Variants in NAV2 observed in about 807,000 individuals in gnomAD.
NAV2 encodes neuron navigator 2.
NAV2 carries 54 observed loss-of-function variants against 223.2 expected under a neutral mutation model. The ratio of observed to expected loss-of-function variants is 0.24; its 90% CI spans 0.19 to 0.30. The LOEUF (loss-of-function observed/expected upper bound fraction) is 0.30, where lower values mean the gene tolerates loss of function less well. Ranked by LOEUF, NAV2 falls within the 10% of genes least tolerant of loss-of-function variation. NAV2 has a pLI of 1.00. For missense variants in NAV2, 2,806 were observed against 3,147.5 expected, an observed-to-expected ratio of 0.89 and a Z score of 2.60; for synonymous variants, 1,279 against 1,239.3, an observed-to-expected ratio of 1.03 and a Z score of -0.67.
intron 1 of NAV2, among the ~76,000 whole-genome samples, chr11:19,650,111 G>A (rs1199461423): frequency 2.6e-5 from 4 of 152,174 alleles, no homozygotes; most frequent in African/African-American, 9.7e-5. Context: ...CCTAACCTCT[G>A]GCACCTGTGA....
chr11:20,081,253 G>A (rs1367830609), intron 25 of NAV2, among the ~76,000 whole-genome samples: 1 of 152,030 alleles, frequency 6.6e-6, no homozygotes, highest in Admixed American at 6.6e-5. Context: ...GTTACTAATG[G>A]CTCTTAGTCA....
intron 1 of NAV2, among the ~76,000 whole-genome samples, chr11:19,395,283 T>C (rs1198475598): frequency 6.6e-6 from 1 of 152,248 alleles, no homozygotes; most frequent in Non-Finnish European, 1.5e-5. Context: ...AGCCCCTCAT[T>C]GGGCCCACAC....
At chr11:19,470,243 A>G (rs1457985411) in intron 1 of NAV2, among the ~76,000 whole-genome samples, 1 of 152,184 alleles carries the variant, frequency 6.6e-6, no homozygotes, top group Admixed American at 6.5e-5. Flanking sequence ...AGCTCCTTGG[A>G]ATCTTATAAG....
At chr11:19,419,021 C>T (rs1350292658) in intron 1 of NAV2, among the ~76,000 whole-genome samples, 1 of 151,994 alleles carries the variant, frequency 6.6e-6, no homozygotes, top group African/African-American at 2.4e-5. Context: ...GTAATAGGGA[C>T]TCAAGGAGGG....
At chr11:19,918,343 G>C (rs965449843) in intron 6 of NAV2, among the ~76,000 whole-genome samples, 2 of 152,204 alleles carry the variant, frequency 1.3e-5, no homozygotes, top group African/African-American at 2.4e-5. Context: ...TAGTCAGTTT[G>C]ATATTATCTG....
At chr11:19,756,672 A>G (rs1460144284) in intron 1 of NAV2, among the ~76,000 whole-genome samples, 8 of 152,014 alleles carry the variant, frequency 5.3e-5, no homozygotes, top group Admixed American at 4.6e-4. Flanking sequence ...GAAACTTTGC[A>G]TTTGCCTCTG....
At chr11:19,779,494 T>G (rs1379601522) in intron 1 of NAV2, among the ~76,000 whole-genome samples, 1 of 152,244 alleles carries the variant, frequency 6.6e-6, no homozygotes, top group African/African-American at 2.4e-5. Flanking sequence ...CTTTATTTGT[T>G]GTGTGTTTTG....
At position 19,520,506 on chromosome 11, in the gene NAV2, C is replaced by T. The variant is rs146665748; in HGVS notation, c.75+169479C>T. On this transcript the variant is annotated intron_variant, in intron 1 of 37. Coordinates refer to the NAV2 transcript ENST00000360655. ...CTTTGCCTCCCAATCCTGTACCTCA[C>T]TGTGTGTTTCAGCCACGCTGCCTGC... Among the ~76,000 whole-genome samples the T allele has an allele frequency of 1.8e-3, 269 of 152,346 alleles. 2 individuals are homozygous for T. Among genetic ancestry groups the T allele is most frequent in the African/African-American group, 6.1e-3 (254 of 41,588 alleles).
chr11:19,810,631 T>C (rs188072489), intron 1 of NAV2, among the ~76,000 whole-genome samples: 1 of 152,340 alleles, frequency 6.6e-6, no homozygotes, highest in East Asian at 1.9e-4. Flanking sequence ...GAGTCTTCAA[T>C]TCTAATCCAT....
intron 29 of NAV2, among the ~76,000 whole-genome samples, chr11:20,095,364 G>A (rs1370038693): frequency 5.3e-5 from 8 of 152,164 alleles, no homozygotes; most frequent in East Asian, 1.9e-4. Context: ...CTAGACAGAT[G>A]TGGAGAGAGT....
intron 11 of NAV2, among the ~76,000 whole-genome samples, chr11:20,012,607 G>A (rs1277651179): frequency 4.6e-5 from 7 of 151,604 alleles, no homozygotes; most frequent in Admixed American, 2.0e-4. Flanking sequence ...CCCAGGAGGC[G>A]GAGGTTGCAG....
chr11:19,403,738 A>C (rs2702677), intron 1 of NAV2, among the ~76,000 whole-genome samples: 26,983 of 152,156 alleles, frequency 0.18, 2,508 homozygotes, highest in South Asian at 0.33. Context: ...GCAGTAAATA[A>C]ACAGGCATGG....
In NAV2 at chr11:19,937,746, CA is replaced by C. The variant is rs1476112533; in HGVS notation, c.2034-1914del. Among the ~76,000 whole-genome samples, 3 of 152,330 alleles carry C rather than the reference CA, an allele frequency of 2.0e-5. No homozygotes were observed. The East Asian group carries it at 5.8e-4, about 29-fold the overall frequency. On this transcript the variant is annotated intron_variant, in intron 7 of 37. Transcript: ENST00000349880. ...GAGACTTAAACATTTCTTATTTATCCAGTCAACACACCCTTCTTGCGTTGCC... is the reference window on the plus strand; with the variant it reads ...GAGACTTAAACATTTCTTATTTATCCGTCAACACACCCTTCTTGCGTTGCC...
At chr11:20,025,475 T>C (rs1362568265) in intron 11 of NAV2, among the ~76,000 whole-genome samples, 1 of 152,172 alleles carries the variant, frequency 6.6e-6, no homozygotes, top group Non-Finnish European at 1.5e-5. Context: ...GGGCTTTGTG[T>C]AGCTGAGGTC....
chr11:19,691,186 G>T (rs1421765688), intron 1 of NAV2, among the ~76,000 whole-genome samples: 1 of 151,804 alleles, frequency 6.6e-6, no homozygotes, highest in Non-Finnish European at 1.5e-5. Context: ...CTAGGCCAGC[G>T]TTATCCAGTA....
chr11:20,082,565 C>A, intron 25 of NAV2: 1 of 1,613,904 alleles, frequency 6.2e-7, no homozygotes, highest in Non-Finnish European at 8.5e-7. Context: ...CCCCCTTCCC[C>A]ATTTTTGCTT....
chr11:19,449,775 A>G (rs573472837), intron 1 of NAV2, among the ~76,000 whole-genome samples: 20 of 152,152 alleles, frequency 1.3e-4, no homozygotes, highest in Non-Finnish European at 2.1e-4. Flanking sequence ...TGCCTGGCCC[A>G]GAGCAAGTCA....
chr11:19,520,845 G>A (rs534569531), intron 1 of NAV2, among the ~76,000 whole-genome samples: 9 of 152,352 alleles, frequency 5.9e-5, no homozygotes, highest in African/African-American at 1.2e-4. Flanking sequence ...AGGCAGGGGC[G>A]TGGGCCTTGG....
At chr11:19,564,431 G>A (rs2045200302) in intron 1 of NAV2, among the ~76,000 whole-genome samples, 1 of 152,196 alleles carries the variant, frequency 6.6e-6, no homozygotes, top group Admixed American at 6.5e-5. Context: ...CTCAGGAAGC[G>A]GCTCATTAGC....
Sources: allele counts gnomAD v4.1 joint callset (sites outside exome capture counted in the v4.1 genomes callset), GRCh38; gene constraint gnomAD v4.1.1; transcripts MANE v1.5; gene names NCBI Gene and HGNC (gene_info 2026-07-23, HGNC 2026-07-21).